The following CUBN variants were observed in gnomAD, a reference collection of about 807,000 sequenced individuals.
CUBN encodes the protein 460 kDa receptor.
Under a neutral mutation model 405.3 loss-of-function variants are expected in CUBN, and 282 were observed. That is an observed-to-expected ratio of 0.70 (90% CI 0.63 to 0.77). The LOEUF (loss-of-function observed/expected upper bound fraction) is 0.77. Among genes scored for constraint, CUBN ranks in the 30% least tolerant of loss-of-function variants. The pLI, the probability that CUBN is intolerant of heterozygous loss-of-function variation, is 0.00. For missense variants in CUBN, 4,514 were observed against 4,475.2 expected (o/e 1.01, Z -0.25); for synonymous variants, 1,684 against 1,617.0 (o/e 1.04, Z -0.99).
At chr10:16,960,645 G>C (rs1843192044) in intron 31 of CUBN, among the ~76,000 whole-genome samples, 1 of 152,176 alleles carries the variant, frequency 6.6e-6, no homozygotes, top group Admixed American at 6.5e-5. Flanking sequence ...ACAGTTGCTG[G>C]TCTCTAAAAA....
chr10:16,911,418 T>G (rs1449377051), intron 48 of CUBN, among the ~76,000 whole-genome samples: 1 of 152,188 alleles, frequency 6.6e-6, no homozygotes, highest in Admixed American at 6.5e-5. Context: ...GGGGTAAGTC[T>G]CATCTTCTAG....
intron 22 of CUBN, among the ~76,000 whole-genome samples, chr10:17,054,273 G>C (rs969919030): frequency 6.7e-6 from 1 of 148,686 alleles, no homozygotes; most frequent in Non-Finnish European, 1.5e-5. Flanking sequence ...GGAGGTTGCA[G>C]TGAGCTGAGA....
intron 66 of CUBN, among the ~76,000 whole-genome samples, chr10:16,826,928 T>C (rs1177692419): frequency 6.6e-6 from 1 of 152,164 alleles, no homozygotes; most frequent in East Asian, 1.9e-4. Context: ...AAATTGCCTC[T>C]TTTCCTCCCT....
intron 28 of CUBN, among the ~76,000 whole-genome samples, chr10:16,996,516 G>T (rs1306976060): frequency 6.6e-6 from 1 of 152,068 alleles, no homozygotes; most frequent in Non-Finnish European, 1.5e-5. Flanking sequence ...CACTAATATT[G>T]TTTTGGTTTT....
At chr10:16,908,969 G>A (rs571998179) in intron 48 of CUBN, among the ~76,000 whole-genome samples, 12 of 143,744 alleles carry the variant, frequency 8.3e-5, no homozygotes, top group Non-Finnish European at 1.6e-4. Context: ...TGCAAGCTCC[G>A]CTTCCCGGGT....
At chr10:17,051,434 G>A (rs1376611066) in intron 22 of CUBN, among the ~76,000 whole-genome samples, 4 of 152,050 alleles carry the variant, frequency 2.6e-5, no homozygotes, top group African/African-American at 4.8e-5. Context: ...CAAGAAAAAT[G>A]TGGTCATAGT....
intron 60 of CUBN, among the ~76,000 whole-genome samples, chr10:16,847,696 T>C (rs1839559417): frequency 6.6e-6 from 1 of 152,162 alleles, no homozygotes; most frequent in Admixed American, 6.5e-5. Flanking sequence ...GATGTGGATT[T>C]CAAAAGAGAC....
intron 59 of CUBN, among the ~76,000 whole-genome samples, chr10:16,856,719 T>A (rs1056201191): frequency 1.3e-5 from 2 of 152,196 alleles, no homozygotes; most frequent in African/African-American, 4.8e-5. Flanking sequence ...CTGTCTCTGG[T>A]TGACCACTAC....
intron 56 of CUBN, among the ~76,000 whole-genome samples, chr10:16,882,360 C>T (rs1405150969): frequency 6.6e-6 from 1 of 152,222 alleles, no homozygotes; most frequent in Non-Finnish European, 1.5e-5. Flanking sequence ...GTTTTTATGA[C>T]TATTTTCCAT....
rs144125805 is a variant in CUBN at position 17,025,229 on chromosome 10, A to G, written c.4018-5246T>C. On this transcript the variant is annotated intron_variant, in intron 27 of 66. Transcript: ENST00000377833. The stretch of plus-strand genomic sequence containing the variant: ...TACTCAATGAAAAGATGATCGTTCA[A>G]TTTTTGAGAACTATACTCAATCAGT... Among the ~76,000 whole-genome samples, 1,110 of 152,284 alleles carry G rather than the reference A, an allele frequency of 7.3e-3. 15 individuals are homozygous for G. The highest frequency in any genetic ancestry group is 0.026 in the African/African-American group (1,069 of 41,540).
At chr10:16,931,305 A>G (rs549974235) in intron 40 of CUBN, among the ~76,000 whole-genome samples, 2 of 152,282 alleles carry the variant, frequency 1.3e-5, no homozygotes, top group East Asian at 3.9e-4. Flanking sequence ...AAATATATTA[A>G]CAATGTGTAA....
Position 16,977,514 on chromosome 10 carries a change from C to A in CUBN, c.4695+4970G>T, listed in dbSNP as rs553892666. ...CCAGGGGGAGGATCATCTTCCCTTT[C>A]CACCCCCTTTCCAGCTCCCCATCCA... On this transcript the variant is annotated intron_variant, in intron 31 of 66. Coordinates refer to ENST00000377833, the MANE Select transcript of CUBN (RefSeq NM_001081.4). Among the ~76,000 whole-genome samples the A allele has an allele frequency of 3.6e-4, 55 of 152,308 alleles. 2 individuals are homozygous for A. In the South Asian group the frequency reaches 0.011, roughly 32 times the overall value.
chr10:16,878,425 G>A (rs1840576582), intron 56 of CUBN, among the ~76,000 whole-genome samples: 1 of 152,096 alleles, frequency 6.6e-6, no homozygotes, highest in Admixed American at 6.6e-5. Flanking sequence ...ATCCCCTATT[G>A]CTTGAAATTC....
chr10:16,831,106 G>T, intron 65 of CUBN, 146 bp downstream of exon 65: 1 of 744,062 alleles, frequency 1.3e-6, no homozygotes. Context: ...AAAGTAATCT[G>T]TACTTTCAAT....
chr10:16,932,574 A>G (rs1842391557), intron 40 of CUBN, among the ~76,000 whole-genome samples: 2 of 152,312 alleles, frequency 1.3e-5, no homozygotes, highest in Admixed American at 1.3e-4. Flanking sequence ...AGAAATGAAT[A>G]CATTACTATT....
chr10:16,903,837 C>G lies in CUBN; in HGVS notation c.8062+129G>C. On this transcript the variant is annotated intron_variant, in intron 51 of 66. Transcript: ENST00000377833. ...TTAAAAAATGTAATTTAGAAAATCTCATTGATAATATTAACAAAACTAATA... is the reference window on the plus strand; with the variant it reads ...TTAAAAAATGTAATTTAGAAAATCTGATTGATAATATTAACAAAACTAATA... 4 of 535,842 alleles carry G rather than the reference C, an allele frequency of 7.5e-6. 1 individual carries two copies. Among genetic ancestry groups the G allele is most frequent in the Middle Eastern group, 1.1e-3 (2 of 1,888 alleles). The allele number at this position is 535,842 out of a possible 1,614,324, so 33.2% of individuals were successfully genotyped here.
rs764556708 is a variant in CUBN at position 17,046,058 on chromosome 10, T to A, written c.3366A>T (p.Ile1122=). 6.2e-7 allele frequency: 1 copy of A among 1,613,932 alleles called. No homozygotes were observed. The highest frequency in any genetic ancestry group is 1.1e-5 in the South Asian group (1 of 91,082). ...GGYEKSPLLG[I]FYGSNLPPTI... ...TTGGGGGTAGATTTGAGCCATAGAA[T>A]ATTCCCAGCAATGGTGATTTTTCAT... The change falls in exon 24 of 67, where the codon ATA becomes ATT. Residue 1122 remains isoleucine, a synonymous_variant. Coordinates refer to ENST00000377833, the MANE Select transcript of CUBN (RefSeq NM_001081.4).
At chr10:16,957,020 G>A (rs1588518874) in intron 31 of CUBN, among the ~76,000 whole-genome samples, 1 of 151,982 alleles carries the variant, frequency 6.6e-6, no homozygotes, top group Admixed American at 6.5e-5. Flanking sequence ...TTTATTTGTG[G>A]TGAGACCATT....
intron 10 of CUBN, among the ~76,000 whole-genome samples, chr10:17,108,683 C>T (rs1836696227): frequency 6.6e-6 from 1 of 151,954 alleles, no homozygotes; most frequent in African/African-American, 2.4e-5. Context: ...GTAAAGAAAG[C>T]CTTCCTAAAC....
Sources: gnomAD v4.1 joint callset for allele counts (sites outside exome capture counted in the v4.1 genomes callset) on GRCh38, gnomAD v4.1.1 for gene constraint, MANE v1.5 for transcripts, NCBI Gene and HGNC (gene_info 2026-07-23, HGNC 2026-07-21) for gene names.